Variants in PVT1 observed in about 807,000 individuals in gnomAD.
PVT1 encodes the protein Pvt1 oncogene.
chr8:127,838,432 C>T (rs529216911), intron 2 of PVT1, among the ~76,000 whole-genome samples: 3 of 152,082 alleles, frequency 2.0e-5, no homozygotes, highest in African/African-American at 4.8e-5. Context: ...TAGCCAGGTG[C>T]GGTGGTTCAT....
intron 4 of PVT1, among the ~76,000 whole-genome samples, chr8:128,023,118 T>C (rs1344835916): frequency 6.6e-6 from 1 of 152,210 alleles, no homozygotes; most frequent in East Asian, 1.9e-4. Context: ...TCTGCCTGCC[T>C]TGGCCTCCCA....
At chr8:127,807,796 T>G (rs1316681886) in intron 2 of PVT1, among the ~76,000 whole-genome samples, 1 of 152,118 alleles carries the variant, frequency 6.6e-6, no homozygotes, top group Admixed American at 6.5e-5. Flanking sequence ...AGACGGAGTC[T>G]CGCTCTGTCA....
intron 2 of PVT1, among the ~76,000 whole-genome samples, chr8:127,886,678 C>T (rs933385867): frequency 4.0e-5 from 6 of 151,898 alleles, no homozygotes; most frequent in Admixed American, 3.3e-4. Context: ...GCTTTCTTAT[C>T]TTTTTATTTA....
At chr8:127,807,524 T>C (rs1447793302) in intron 2 of PVT1, among the ~76,000 whole-genome samples, 1 of 151,852 alleles carries the variant, frequency 6.6e-6, no homozygotes. Flanking sequence ...GATCTCACTA[T>C]ATTGCCCAGG....
intron 3 of PVT1, among the ~76,000 whole-genome samples, chr8:127,916,843 G>T (rs1815991881): frequency 6.6e-6 from 1 of 152,176 alleles, no homozygotes; most frequent in Non-Finnish European, 1.5e-5. Context: ...GCACTGAGCT[G>T]AAGCTTTCTG....
intron 3 of PVT1, among the ~76,000 whole-genome samples, chr8:127,930,786 A>G (rs757260275): frequency 3.9e-5 from 6 of 152,100 alleles, no homozygotes; most frequent in East Asian, 1.9e-4. Flanking sequence ...CCCTTATAGC[A>G]TATTTTCAGG....
intron 3 of PVT1, among the ~76,000 whole-genome samples, chr8:127,943,978 A>G (rs1026453587): frequency 2.0e-5 from 3 of 152,222 alleles, no homozygotes; most frequent in African/African-American, 7.2e-5. Flanking sequence ...TTAAAGAGGC[A>G]AGATAGTCTA....
At chr8:127,862,961 C>T (rs192702613) in intron 2 of PVT1, among the ~76,000 whole-genome samples, 192 of 152,224 alleles carry the variant, frequency 1.3e-3, no homozygotes, top group African/African-American at 4.4e-3. Flanking sequence ...TCCCTGGATT[C>T]GACACCTCCA....
intron 5 of PVT1, among the ~76,000 whole-genome samples, chr8:128,093,681 A>G (rs1036652676): frequency 1.3e-5 from 2 of 151,844 alleles, no homozygotes; most frequent in South Asian, 2.1e-4. Context: ...TCTGTCACCC[A>G]GGCTGGAGCG....
chr8:127,861,804 G>A (rs980897691), intron 2 of PVT1, among the ~76,000 whole-genome samples: 6 of 152,152 alleles, frequency 3.9e-5, no homozygotes, highest in Non-Finnish European at 7.4e-5. Flanking sequence ...CAGGTACTGG[G>A]CGCATGTTGC....
intron 4 of PVT1, among the ~76,000 whole-genome samples, chr8:128,004,502 C>G (rs560977316): frequency 3.9e-4 from 60 of 152,274 alleles, no homozygotes; most frequent in African/African-American, 1.3e-3. Context: ...TTACTGGTAG[C>G]AAAGCCCGGG....
chr8:127,913,175 G>A (rs139696405), intron 3 of PVT1, among the ~76,000 whole-genome samples: 1 of 152,310 alleles, frequency 6.6e-6, no homozygotes, highest in Non-Finnish European at 1.5e-5. Context: ...TGCTAACTTT[G>A]AAGCTCAGCT....
intron 6 of PVT1, among the ~76,000 whole-genome samples, chr8:128,098,856 G>C (rs976196787): frequency 2.6e-5 from 4 of 152,160 alleles, no homozygotes; most frequent in African/African-American, 9.7e-5. Context: ...CTGTGGACAG[G>C]GACTTTTGTG....
chr8:127,802,831 A>G (rs1343513672), intron 2 of PVT1, among the ~76,000 whole-genome samples: 3 of 152,076 alleles, frequency 2.0e-5, no homozygotes. Context: ...GCTAGGAGAG[A>G]AAGAAGGCAG....
chr8:127,952,190 C>G (rs947020051), intron 3 of PVT1, among the ~76,000 whole-genome samples: 1 of 152,190 alleles, frequency 6.6e-6, no homozygotes, highest in Non-Finnish European at 1.5e-5. Flanking sequence ...ATGCCTGGCT[C>G]ACGACCGATT....
intron 2 of PVT1, among the ~76,000 whole-genome samples, chr8:127,804,538 A>AT (rs35404021): frequency 0.34 from 38,667 of 112,616 alleles, 8,388 homozygotes; most frequent in African/African-American, 0.58. Context: ...TTGCATCCTG[A>AT]TTTTTTTTTT....
intron 3 of PVT1, among the ~76,000 whole-genome samples, chr8:127,929,940 T>C (rs992364590): frequency 6.6e-6 from 1 of 152,208 alleles, no homozygotes; most frequent in African/African-American, 2.4e-5. Flanking sequence ...CTGTGTCAGC[T>C]TCCTGATCTT....
intron 3 of PVT1, among the ~76,000 whole-genome samples, chr8:127,982,388 G>A (rs1159890114): frequency 6.6e-6 from 1 of 152,340 alleles, no homozygotes; most frequent in East Asian, 1.9e-4. Flanking sequence ...ACAAGAGGAT[G>A]TGTAGCATAG....
chr8:127,802,200 C>T (rs1443260818), intron 2 of PVT1, among the ~76,000 whole-genome samples: 1 of 152,136 alleles, frequency 6.6e-6, no homozygotes, highest in Non-Finnish European at 1.5e-5. Context: ...CAGGTGTGAG[C>T]CACTGCACCA....
Sources: gnomAD v4.1 joint callset for allele counts (sites outside exome capture counted in the v4.1 genomes callset) on GRCh38, gnomAD v4.1.1 for gene constraint, MANE v1.5 for transcripts, NCBI Gene and HGNC (gene_info 2026-07-23, HGNC 2026-07-21) for gene names.